Variants in GRAP2 observed in about 807,000 individuals in gnomAD.
GRAP2 encodes the protein GRB2-related adapter protein 2.
A neutral mutation model predicts 43.5 loss-of-function variants in GRAP2; 31 were observed. The observed-to-expected ratio is 0.71, with a 90% CI of 0.54 to 0.96. The LOEUF (loss-of-function observed/expected upper bound fraction) is 0.96, where lower values mean the gene tolerates loss of function less well. Among genes scored for constraint, GRAP2 ranks in the 40% least tolerant of loss-of-function variants. GRAP2 has a pLI of 0.00. For missense variants in GRAP2, 371 were observed against 424.4 expected (o/e 0.87, Z 1.11); for synonymous variants, 156 against 164.8 (o/e 0.95, Z 0.41).
intron 1 of GRAP2, among the ~76,000 whole-genome samples, chr22:39,944,769 T>A (rs1385700456): frequency 6.6e-6 from 1 of 152,216 alleles, no homozygotes; most frequent in Non-Finnish European, 1.5e-5. Context: ...GTTGGAAAGA[T>A]CTTCCCCAAA....
intron 2 of GRAP2, among the ~76,000 whole-genome samples, chr22:39,948,748 T>C (rs2066951019): frequency 6.6e-6 from 1 of 152,116 alleles, no homozygotes; most frequent in Non-Finnish European, 1.5e-5. Context: ...AATGACCCTA[T>C]GGAAATGTCT....
chr22:39,937,202 ACTTATT>A (rs1163113272), intron 1 of GRAP2, among the ~76,000 whole-genome samples: 7 of 152,218 alleles, frequency 4.6e-5, no homozygotes, highest in Non-Finnish European at 8.8e-5. Context: ...ATCCATGGTA[ACTTATT>A]CTTAGCTGGT....
intron 1 of GRAP2, among the ~76,000 whole-genome samples, chr22:39,911,787 A>G (rs1441981119): frequency 6.6e-6 from 1 of 152,166 alleles, no homozygotes; most frequent in Non-Finnish European, 1.5e-5. Context: ...GGGCACTCGT[A>G]GCAGAGTGTG....
At chr22:39,901,965 T>A (rs2066496230) in intron 1 of GRAP2, among the ~76,000 whole-genome samples, 1 of 152,242 alleles carries the variant, frequency 6.6e-6, no homozygotes. Flanking sequence ...TCCCAACTCT[T>A]CCTGAACGTG....
Position 39,971,543 on chromosome 22 carries a change from A to G in GRAP2, c.*459A>G, listed in dbSNP as rs78790084. ...CCCCGCTCACCTGGAGGGCTTGCAGAGCAGCTCTCCTCCTGTTCTCCAAGG... is the reference window on the plus strand; with the variant it reads ...CCCCGCTCACCTGGAGGGCTTGCAGGGCAGCTCTCCTCCTGTTCTCCAAGG... On this transcript the variant is annotated 3_prime_UTR_variant, in exon 8 of 8. Coordinates refer to ENST00000344138, the MANE Select transcript of GRAP2 (RefSeq NM_004810.4). 1,155 of 159,484 alleles carry G rather than the reference A, an allele frequency of 7.2e-3. 25 individuals carry two copies. The highest frequency in any genetic ancestry group is 0.027 in the African/African-American group (1,114 of 41,636). The allele number at this position is 159,484 out of a possible 1,614,324, so 9.9% of individuals were successfully genotyped here. A position where few individuals can be genotyped will look rare whatever the true frequency, so the allele number is the denominator to read the frequency against.
intron 1 of GRAP2, among the ~76,000 whole-genome samples, chr22:39,909,639 C>A (rs60538378): frequency 0.032 from 4,904 of 152,044 alleles, 139 homozygotes; most frequent in South Asian, 0.14. Flanking sequence ...GCAAAAAAAA[C>A]ATTGGGTCCT....
chr22:39,946,976 C>A, intron 1 of GRAP2, 117 bp from the exon 2 acceptor site: 1 of 706,022 alleles, frequency 1.4e-6, no homozygotes, highest in South Asian at 1.6e-5. Flanking sequence ...TGCTCTCCGG[C>A]CTGGAGACAT....
At chr22:39,950,783 A>G (rs1027013651) in intron 2 of GRAP2, among the ~76,000 whole-genome samples, 1 of 152,300 alleles carries the variant, frequency 6.6e-6, no homozygotes, top group African/African-American at 2.4e-5. Flanking sequence ...ACTGAGCCCC[A>G]CAGAATGTCT....
At chr22:39,895,303 A>G in the GRAP2 span, among the ~76,000 whole-genome samples, 1 of 152,238 alleles carries the variant, frequency 6.6e-6, no homozygotes, top group African/African-American at 2.4e-5. Flanking sequence ...AGTCATAATT[A>G]TAATAATAAT....
At chr22:39,966,751 G>C (rs1292597303) in intron 5 of GRAP2, among the ~76,000 whole-genome samples, 1 of 152,222 alleles carries the variant, frequency 6.6e-6, no homozygotes. Context: ...AAATGCGTCA[G>C]ACAGACCTGG....
intron 1 of GRAP2, among the ~76,000 whole-genome samples, chr22:39,935,805 C>A (rs1297459377): frequency 6.6e-6 from 1 of 152,188 alleles, no homozygotes; most frequent in Non-Finnish European, 1.5e-5. Flanking sequence ...CCGTCCTCTG[C>A]TGACACTTTT....
intron 1 of GRAP2, among the ~76,000 whole-genome samples, chr22:39,918,394 C>CT (rs1415356251): frequency 6.6e-6 from 1 of 152,180 alleles, no homozygotes; most frequent in Non-Finnish European, 1.5e-5. Flanking sequence ...ATATTGGGCC[C>CT]TAAATGATTG....
At chr22:39,968,327 C>T in intron 6 of GRAP2, 55 bp downstream of exon 6, 1 of 1,578,592 alleles carries the variant, frequency 6.3e-7, no homozygotes. Flanking sequence ...ACCTGCCTCC[C>T]CTCCAGGCCT....
At chr22:39,965,912 C>A in intron 4 of GRAP2, 78 bp from the exon 5 acceptor site, 1 of 1,178,480 alleles carries the variant, frequency 8.5e-7, no homozygotes, top group Non-Finnish European at 1.3e-6. Flanking sequence ...AGAACTCCAC[C>A]ATCCCAGATG....
intron 2 of GRAP2, chr22:39,947,453 C>A: frequency 2.2e-6 from 1 of 449,928 alleles, no homozygotes; most frequent in South Asian, 2.8e-5. Flanking sequence ...ATGTTCTTGG[C>A]TAAGTTCTCA....
chr22:39,902,139 C>T (rs1175670165), intron 1 of GRAP2, among the ~76,000 whole-genome samples: 1 of 152,176 alleles, frequency 6.6e-6, no homozygotes, highest in African/African-American at 2.4e-5. Context: ...ATACACATCC[C>T]TAGATAAACT....
At chr22:39,954,294 G>T (rs1379590358) in intron 2 of GRAP2, among the ~76,000 whole-genome samples, 2 of 152,084 alleles carry the variant, frequency 1.3e-5, no homozygotes, top group African/African-American at 2.4e-5. Flanking sequence ...AAGGCTCCTG[G>T]GTATCATCTA....
At chr22:39,969,627 G>T in intron 7 of GRAP2, 94 bp downstream of exon 7, 1 of 1,389,786 alleles carries the variant, frequency 7.2e-7, no homozygotes, top group Non-Finnish European at 1.0e-6. Flanking sequence ...AAACCACACA[G>T]ATCTGGCTGG....
chr22:39,903,510 C>T (rs1476958368), intron 1 of GRAP2, among the ~76,000 whole-genome samples: 1 of 138,752 alleles, frequency 7.2e-6, no homozygotes, highest in Non-Finnish European at 1.5e-5. Flanking sequence ...CAGGGTCTCA[C>T]TCTGTCACTC....
Sources: gnomAD v4.1 joint callset for allele counts (sites outside exome capture counted in the v4.1 genomes callset) on GRCh38, gnomAD v4.1.1 for gene constraint, MANE v1.5 for transcripts, NCBI Gene and HGNC (gene_info 2026-07-23, HGNC 2026-07-21) for gene names.